TSPEAR: variants seen among roughly 807,000 people sequenced by gnomAD.
The protein encoded by TSPEAR is thrombospondin-type laminin G domain and EAR repeat-containing protein.
TSPEAR carries 69 observed loss-of-function variants against 71.6 expected under a neutral mutation model. The ratio of observed to expected loss-of-function variants is 0.96; its 90% confidence interval spans 0.79 to 1.18. The LOEUF (loss-of-function observed/expected upper bound fraction) is 1.18, where lower values mean the gene tolerates loss of function less well. TSPEAR is among the 50% of genes most tolerant of loss of function. The probability of loss-of-function intolerance (pLI) is 0.00; values close to 1 mark genes in which losing one functional copy is unlikely to be tolerated. For synonymous variants in TSPEAR, 402 were observed against 387.2 expected (o/e 1.04, Z -0.45); for missense variants, 971 against 894.9 (o/e 1.09, Z -1.09).
chr21:44,608,914 A>G (rs886561644), intron 1 of TSPEAR, among the ~76,000 whole-genome samples: 31 of 152,254 alleles, frequency 2.0e-4, no homozygotes, highest in African/African-American at 6.8e-4. Flanking sequence ...AAAGTTTACA[A>G]GAATTTTTCT....
intron 2 of TSPEAR, chr21:44,539,318 G>A: frequency 6.2e-7 from 1 of 1,611,284 alleles, no homozygotes; most frequent in African/African-American, 1.3e-5. Context: ...GGCCGGGCGG[G>A]AGCACGCGGG....
intron 1 of TSPEAR, chr21:44,682,218 A>C: frequency 7.1e-7 from 1 of 1,408,562 alleles, no homozygotes; most frequent in Middle Eastern, 2.1e-4. Flanking sequence ...AGGCATCCCC[A>C]CAGCACAGAA....
At chr21:44,606,860 G>A (rs782185054) in intron 1 of TSPEAR, among the ~76,000 whole-genome samples, 1 of 152,160 alleles carries the variant, frequency 6.6e-6, no homozygotes, top group Non-Finnish European at 1.5e-5. Context: ...GAGGCCGGGG[G>A]CTGCCAGAGG....
intron 1 of TSPEAR, among the ~76,000 whole-genome samples, chr21:44,689,911 G>T (rs781973498): frequency 6.6e-6 from 1 of 151,352 alleles, no homozygotes; most frequent in Admixed American, 6.6e-5. Flanking sequence ...AGGCTGGGAG[G>T]CTAGGCCAGT....
chr21:44,696,795 G>A (rs1987355561), intron 1 of TSPEAR, among the ~76,000 whole-genome samples: 1 of 152,150 alleles, frequency 6.6e-6, no homozygotes, highest in South Asian at 2.1e-4. Context: ...CCCATTGGCC[G>A]GCTCCCTCCA....
In TSPEAR at chr21:44,672,430, C is replaced by T. The variant is rs587665203; in HGVS notation, c.82+39003G>A. ...CTAAAAATACAAAAAATTAGCCGGG[C>T]GTGGTGGCAGGTGCCTGTAGTCCCA... On this transcript the variant is annotated intron_variant, in intron 1 of 11. Coordinates refer to ENST00000323084, the MANE Select transcript of TSPEAR (RefSeq NM_144991.3). 4.5e-4 allele frequency among the ~76,000 whole-genome samples: 69 copies of T among 152,192 alleles called. 1 individual carries two copies. In the East Asian group the frequency reaches 7.3e-3, roughly 16 times the overall value.
chr21:44,672,974 G>A (rs1259717432), intron 1 of TSPEAR, among the ~76,000 whole-genome samples: 1 of 152,192 alleles, frequency 6.6e-6, no homozygotes, highest in African/African-American at 2.4e-5. Flanking sequence ...AGAACCATGA[G>A]CCAATTAATC....
At position 44,702,879 on chromosome 21, in the gene TSPEAR, A is replaced by AGTACACACCGCACTG. The variant is rs539337330; in HGVS notation, c.82+8539_82+8553dup. On this transcript the variant is annotated intron_variant, in intron 1 of 11. Coordinates refer to ENST00000323084, the MANE Select transcript of TSPEAR (RefSeq NM_144991.3). ...CTGCTGACCTCTCAGCACACGCACT[A>AGTACACACCGCACTG]GTACACACCGCACTGGTACACACCA... is the stretch of plus-strand genomic sequence containing the variant. The AGTACACACCGCACTG allele has an allele frequency of 7.4e-4, 530 of 718,066 alleles. 4 individuals are homozygous for AGTACACACCGCACTG. In the African/African-American group the frequency reaches 7.4e-3, roughly 10 times the overall value. 44.5% of individuals were successfully genotyped at this position (718,066 alleles called of 1,614,324 possible). A position where few individuals can be genotyped will look rare whatever the true frequency, so the allele number is the denominator to read the frequency against.
intron 1 of TSPEAR, among the ~76,000 whole-genome samples, chr21:44,633,055 A>G (rs1983346838): frequency 6.6e-6 from 1 of 152,060 alleles, no homozygotes; most frequent in South Asian, 2.1e-4. Context: ...TTTTTTATCT[A>G]TATAGGTCAG....
rs587740646 is a variant in TSPEAR, at chr21:44,558,707, C to T, written c.303+9078G>A. On this transcript the variant is annotated intron_variant, in intron 2 of 11. Transcript: ENST00000323084. The stretch of plus-strand genomic sequence containing the variant: ...CGCTGGAGCAGACGGACATGGTAGA[C>T]GTGGCCATGCTGGGGTGGGGAGGAG... 10 of 1,600,078 alleles carry T rather than the reference C, an allele frequency of 6.2e-6. No individual in the cohort carries two copies. The East Asian group carries it at 1.1e-4, about 18-fold the overall frequency.
chr21:44,560,558 T>G (rs372327415), intron 2 of TSPEAR, among the ~76,000 whole-genome samples: 27 of 152,354 alleles, frequency 1.8e-4, no homozygotes, highest in East Asian at 1.7e-3. Context: ...ATGGCACTTA[T>G]TCTAAAATTG....
At chr21:44,518,467 A>C in intron 9 of TSPEAR, 1 of 379,570 alleles carries the variant, frequency 2.6e-6, no homozygotes. Context: ...TAATCTCCAA[A>C]ACGCACTCCC....
chr21:44,684,945 A>G (rs1986788579), intron 1 of TSPEAR, among the ~76,000 whole-genome samples: 1 of 152,210 alleles, frequency 6.6e-6, no homozygotes, highest in Non-Finnish European at 1.5e-5. Context: ...TCTGAACTAT[A>G]GCAGTGAAAG....
Position 44,593,695 on chromosome 21 carries a change from C to A in TSPEAR, c.83-25690G>T, listed in dbSNP as rs1307778994. Among the ~76,000 whole-genome samples the A allele has an allele frequency of 6.6e-6, 1 of 152,176 alleles. No homozygotes were observed. The highest frequency in any genetic ancestry group is 1.5e-5 in the Non-Finnish European group (1 of 68,024). ...AGAGCAGACTCTGGCAATAAGATATCAAATTACAAACAGGACCTCAGGCCG... is the reference window on the plus strand; with the variant it reads ...AGAGCAGACTCTGGCAATAAGATATAAAATTACAAACAGGACCTCAGGCCG... On this transcript the variant is annotated intron_variant, in intron 1 of 11. Coordinates refer to ENST00000323084, the MANE Select transcript of TSPEAR (RefSeq NM_144991.3). The surrounding 1 kb of genome is among the most constrained non-coding windows in gnomAD (Gnocchi z 5.9).
chr21:44,635,678 AC>A (rs5844191), intron 1 of TSPEAR, among the ~76,000 whole-genome samples: 10,201 of 152,210 alleles, frequency 0.067, 435 homozygotes, highest in South Asian at 0.11. Flanking sequence ...GCTTAATAGT[AC>A]CGGGGTTCCT....
intron 1 of TSPEAR, chr21:44,637,673 A>T (rs9306109): frequency 0.15 from 233,871 of 1,551,406 alleles, 18,651 homozygotes; most frequent in South Asian, 0.29. Flanking sequence ...GGATTGCTGC[A>T]CCTCCTCCCC....
intron 8 of TSPEAR, 149 bp from the exon 9 acceptor site, chr21:44,522,261 C>T: frequency 1.4e-6 from 1 of 695,554 alleles, no homozygotes; most frequent in Non-Finnish European, 2.5e-6. Context: ...CCTTTCTTAC[C>T]TTGAGCCTCC....
intron 2 of TSPEAR, among the ~76,000 whole-genome samples, chr21:44,555,771 AG>A (rs2053518006): frequency 6.6e-6 from 1 of 152,114 alleles, no homozygotes; most frequent in African/African-American, 2.4e-5. Flanking sequence ...CCCAGGACAG[AG>A]AGGTCTGGGG....
At chr21:44,637,465 T>G (rs782318243) in intron 1 of TSPEAR, 1 of 1,613,078 alleles carries the variant, frequency 6.2e-7, no homozygotes, top group East Asian at 2.2e-5. Flanking sequence ...GCACTGACTC[T>G]TGGCGGGTAG....
Sources: allele counts gnomAD v4.1 joint callset (sites outside exome capture counted in the v4.1 genomes callset), GRCh38; gene constraint gnomAD v4.1.1; non-coding constraint Gnocchi (gnomAD v3.1); transcripts MANE v1.5; gene names NCBI Gene and HGNC (gene_info 2026-07-23, HGNC 2026-07-21).